Variants in TAOK1 observed in about 807,000 individuals in gnomAD.
The protein encoded by TAOK1 is TAO kinase 1.
Under a neutral mutation model 138.3 loss-of-function variants are expected in TAOK1, and 21 were observed. That is an observed-to-expected ratio of 0.15 (90% CI 0.11 to 0.22). TAOK1 has a LOEUF of 0.22. Ranked by LOEUF, TAOK1 falls within the 10% of genes least tolerant of loss-of-function variation. The pLI is 1.00. For missense variants in TAOK1, 651 were observed against 1,227.7 expected (o/e 0.53, Z 7.02); for synonymous variants, 361 against 398.4 (o/e 0.91, Z 1.12).
At chr17:29,487,899 G>A (rs2031206186) in intron 8 of TAOK1, among the ~76,000 whole-genome samples, 1 of 152,096 alleles carries the variant, frequency 6.6e-6, no homozygotes, top group Non-Finnish European at 1.5e-5. Context: ...TGGCAGACAT[G>A]GGCCTTAACC....
intron 1 of TAOK1, among the ~76,000 whole-genome samples, chr17:29,396,861 G>A (rs981042160): frequency 6.6e-5 from 10 of 150,464 alleles, no homozygotes; most frequent in Non-Finnish European, 1.2e-4. Flanking sequence ...GCGTGGTGGC[G>A]TGTGCCTGTA....
intron 2 of TAOK1, among the ~76,000 whole-genome samples, chr17:29,457,685 C>G (rs973529799): frequency 6.6e-6 from 1 of 151,904 alleles, no homozygotes; most frequent in Non-Finnish European, 1.5e-5. Flanking sequence ...GGATTACAGG[C>G]GTGAGCCACT....
At chr17:29,404,446 G>A (rs1413032276) in intron 1 of TAOK1, among the ~76,000 whole-genome samples, 2 of 152,124 alleles carry the variant, frequency 1.3e-5, no homozygotes, top group Admixed American at 6.6e-5. Flanking sequence ...ACAGGCATGA[G>A]CCACCACACC....
chr17:29,469,928 C>G (rs558338704), intron 3 of TAOK1, among the ~76,000 whole-genome samples: 1 of 152,236 alleles, frequency 6.6e-6, no homozygotes, highest in Non-Finnish European at 1.5e-5. Context: ...TTACACAAAA[C>G]ACCGGAACAT....
intron 3 of TAOK1, among the ~76,000 whole-genome samples, chr17:29,473,570 G>C (rs2030875403): frequency 6.7e-6 from 1 of 149,288 alleles, no homozygotes; most frequent in Non-Finnish European, 1.5e-5. Context: ...CTGCACTCCA[G>C]TGTGGATGGC....
At chr17:29,423,793 A>G (rs1905539117) in intron 1 of TAOK1, among the ~76,000 whole-genome samples, 1 of 151,630 alleles carries the variant, frequency 6.6e-6, no homozygotes, top group African/African-American at 2.4e-5. Flanking sequence ...CACACCTGTA[A>G]TCCCAGCACT....
intron 13 of TAOK1, among the ~76,000 whole-genome samples, chr17:29,504,703 A>G (rs1000571053): frequency 1.3e-5 from 2 of 152,040 alleles, no homozygotes; most frequent in Non-Finnish European, 2.9e-5. Flanking sequence ...AAAAGAAAAT[A>G]TGATGGGGAA....
intron 19 of TAOK1, among the ~76,000 whole-genome samples, chr17:29,537,097 A>G (rs1434243699): frequency 6.6e-6 from 1 of 152,208 alleles, no homozygotes; most frequent in Non-Finnish European, 1.5e-5. Context: ...TATTTCAAGA[A>G]TGGTGTTATG....
At position 29,534,235 on chromosome 17, in the gene TAOK1, C is replaced by T; in HGVS notation, c.2479C>T (p.His827Tyr). The T allele has an allele frequency of 6.2e-7, 1 of 1,613,512 alleles. No individual in the cohort carries two copies. The highest frequency in any genetic ancestry group is 8.5e-7 in the Non-Finnish European group (1 of 1,179,760). Reference sequence around the variant, plus strand: ...AATCAAGATGCAAGCTGAGGCACAACATGATCGAGAGCTTCGCGAGCTTGA... The same window carrying T: ...AATCAAGATGCAAGCTGAGGCACAATATGATCGAGAGCTTCGCGAGCTTGA... ...SKIKMQAEAQ[H>Y]DRELRELEQR... The change falls in exon 19 of 20, where the codon CAT (histidine) becomes TAT (tyrosine). Residue 827 changes from histidine to tyrosine, a missense_variant. Physicochemically the swap from His to Tyr is moderately conservative, Grantham distance 83 (BLOSUM62 2). Coordinates refer to ENST00000261716, the MANE Select transcript of TAOK1 (RefSeq NM_020791.4).
chr17:29,525,421 T>C (rs1272871081), intron 17 of TAOK1, among the ~76,000 whole-genome samples: 1 of 151,948 alleles, frequency 6.6e-6, no homozygotes. Flanking sequence ...TTGTTTTCTT[T>C]CTGAAACAGA....
chr17:29,477,526 T>C, intron 4 of TAOK1, 135 bp from the exon 5 acceptor site: 1 of 315,360 alleles, frequency 3.2e-6, no homozygotes, highest in Non-Finnish European at 5.4e-6. Flanking sequence ...TATAACTATT[T>C]TTTTAAGGTA....
At chr17:29,394,161 T>G (rs559967442) in intron 1 of TAOK1, among the ~76,000 whole-genome samples, 2 of 112,674 alleles carry the variant, frequency 1.8e-5, no homozygotes, top group African/African-American at 4.1e-5. Context: ...TTTTTTTTTT[T>G]TTTTTTTTTT....
Position 29,530,517 on chromosome 17 carries a change from C to T in TAOK1, c.2259C>T (p.His753=). 1.9e-6 allele frequency: 3 copies of T among 1,614,066 alleles called. No homozygotes were observed. Among genetic ancestry groups the T allele is most frequent in the Non-Finnish European group, 1.7e-6 (2 of 1,180,018 alleles). ...HLLETTPKSE[H]KAVLKRLKEE... ...TGGAGACTACACCAAAGAGTGAGCACAAAGCTGTTCTGAAACGGCTCAAGG... is the reference window on the plus strand; with the variant it reads ...TGGAGACTACACCAAAGAGTGAGCATAAAGCTGTTCTGAAACGGCTCAAGG... The change falls in exon 18 of 20, where the codon CAC becomes CAT. Residue 753 remains histidine, a synonymous_variant. Coordinates refer to ENST00000261716, the MANE Select transcript of TAOK1 (RefSeq NM_020791.4).
intron 2 of TAOK1, 128 bp downstream of exon 2, chr17:29,451,808 G>A: frequency 9.5e-7 from 1 of 1,048,802 alleles, no homozygotes; most frequent in Non-Finnish European, 1.3e-6. Context: ...AGGGGGAAGA[G>A]AGAGAGCGCG....
chr17:29,477,596 A>G (rs1475570056), intron 4 of TAOK1, 65 bp from the exon 5 acceptor site: 1 of 961,806 alleles, frequency 1.0e-6, no homozygotes, highest in African/African-American at 1.7e-5. Context: ...AACTTATTTT[A>G]TCTTAAATTT....
intron 1 of TAOK1, among the ~76,000 whole-genome samples, chr17:29,392,892 G>A (rs1904474435): frequency 1.3e-5 from 2 of 151,982 alleles, no homozygotes; most frequent in African/African-American, 2.4e-5. Flanking sequence ...TTTAAGATAG[G>A]GATTTAAAGG....
Position 29,397,624 on chromosome 17 carries a change from ATATATACATG to A in TAOK1, c.-95+6605_-95+6614del, listed in dbSNP as rs1443459193. Among the ~76,000 whole-genome samples, 136 of 47,128 alleles carry A rather than the reference ATATATACATG, an allele frequency of 2.9e-3. 5 individuals are homozygous for A. Among genetic ancestry groups the A allele is most frequent in the African/African-American group, 0.019 (121 of 6,528 alleles). 30.9% of individuals were successfully genotyped at this position (47,128 alleles called of 152,430 possible). ...TCCCCCCCCAAAAAAATATATATAT[ATATATACATG>A]TATACATGTATATATGTATATTCAT... is the stretch of plus-strand genomic sequence containing the variant. On this transcript the variant is annotated intron_variant, in intron 1 of 19. Transcript: ENST00000261716.
intron 2 of TAOK1, among the ~76,000 whole-genome samples, chr17:29,457,089 CTTTTTT>C (rs548221652): frequency 1.9e-5 from 2 of 107,408 alleles, no homozygotes; most frequent in South Asian, 3.3e-4. Context: ...TTTTCTTTTT[CTTTTTT>C]TTTTTTTTTT....
intron 1 of TAOK1, among the ~76,000 whole-genome samples, chr17:29,441,131 CTG>C (rs1206175570): frequency 1.4e-4 from 21 of 152,214 alleles, no homozygotes; most frequent in African/African-American, 4.3e-4. Context: ...GGGTATTGGT[CTG>C]TAATTTTTTC....
Sources: gnomAD v4.1 joint callset for allele counts (sites outside exome capture counted in the v4.1 genomes callset) on GRCh38, gnomAD v4.1.1 for gene constraint, MANE v1.5 for transcripts, NCBI Gene and HGNC (gene_info 2026-07-23, HGNC 2026-07-21) for gene names.